DYRK1A: variants seen among roughly 807,000 people sequenced by gnomAD.
The protein encoded by DYRK1A is dual specificity tyrosine phosphorylation regulated kinase 1A, also known as dual specificity tyrosine-phosphorylation-regulated kinase 1A.
In DYRK1A, 9 loss-of-function variants were observed where a neutral mutation model predicts 79.7. The ratio of observed to expected loss-of-function variants is 0.11; its 90% CI spans 0.07 to 0.20. The LOEUF is 0.20. Among genes scored for constraint, DYRK1A ranks in the 10% least tolerant of loss-of-function variants. DYRK1A has a pLI of 1.00. For missense variants in DYRK1A, 622 were observed against 956.0 expected (o/e 0.65, Z 4.61); for synonymous variants, 349 against 329.7 (o/e 1.06, Z -0.63).
chr21:37,442,391 T>C (rs1289431126), intron 2 of DYRK1A, among the ~76,000 whole-genome samples: 1 of 152,190 alleles, frequency 6.6e-6, no homozygotes. Flanking sequence ...TGTTAACTTT[T>C]TAAAATCTCT....
chr21:37,495,386 G>C (rs192179160), intron 8 of DYRK1A, among the ~76,000 whole-genome samples: 1 of 151,698 alleles, frequency 6.6e-6, no homozygotes, highest in Non-Finnish European at 1.5e-5. Context: ...GGCCGGGCAC[G>C]GTGGCTCACA....
At chr21:37,419,082 C>T (rs145243896) in intron 1 of DYRK1A, 1 of 152,212 alleles carries the variant, frequency 6.6e-6, no homozygotes, top group Non-Finnish European at 1.5e-5. Flanking sequence ...TATATTATGA[C>T]CCACTTGTAG....
At chr21:37,494,916 C>T (rs1448998206) in intron 8 of DYRK1A, among the ~76,000 whole-genome samples, 1 of 147,344 alleles carries the variant, frequency 6.8e-6, no homozygotes, top group African/African-American at 2.5e-5. Flanking sequence ...CCACTGCCCT[C>T]TAGCTTGGGA....
chr21:37,514,369 T>A lies in DYRK1A; in HGVS notation c.*1838T>A, dbSNP rs887781661. The A allele has an allele frequency of 6.6e-6, 1 of 152,602 alleles. No individual in the cohort carries two copies. Among genetic ancestry groups the A allele is most frequent in the Non-Finnish European group, 1.5e-5 (1 of 68,036 alleles). The allele number at this position is 152,602 out of a possible 1,614,324, so 9.5% of individuals were successfully genotyped here. A position where few individuals can be genotyped will look rare whatever the true frequency, so the allele number is the denominator to read the frequency against. On this transcript the variant is annotated 3_prime_UTR_variant, in exon 12 of 12. Transcript: ENST00000647188. ...GGTGTGACACTTTTGAGCGGTTGAATTGGGAGAATGAAGATAAGTAATTTA... is the reference window on the plus strand; with the variant it reads ...GGTGTGACACTTTTGAGCGGTTGAAATGGGAGAATGAAGATAAGTAATTTA...
At chr21:37,430,222 T>C in intron 2 of DYRK1A, 1 of 897,604 alleles carries the variant, frequency 1.1e-6, no homozygotes, top group Non-Finnish European at 1.3e-6. Flanking sequence ...GTATGTTCAC[T>C]TACACATCTT....
rs536065008 is a variant in DYRK1A, at chr21:37,450,445, C to A, written c.11-22239C>A. Among the ~76,000 whole-genome samples, 15 of 152,314 alleles carry A rather than the reference C, an allele frequency of 9.8e-5. No homozygotes were observed. In the South Asian group the frequency reaches 3.1e-3, roughly 32 times the overall value. On this transcript the variant is annotated intron_variant, in intron 2 of 11. Coordinates refer to ENST00000647188, the MANE Select transcript of DYRK1A (RefSeq NM_001347721.2). ...TAAGCCTCTGGGTTGCAGCCGCCCCCTCTGTAAAGTGAGGTGGGGGAACTA... is the reference window on the plus strand; with the variant it reads ...TAAGCCTCTGGGTTGCAGCCGCCCCATCTGTAAAGTGAGGTGGGGGAACTA...
At position 37,516,733 on chromosome 21, in the gene DYRK1A, A is replaced by T. The variant is rs2053884468; in HGVS notation, c.*4202A>T. On this transcript the variant is annotated 3_prime_UTR_variant, in exon 12 of 12. Coordinates refer to ENST00000647188, the MANE Select transcript of DYRK1A (RefSeq NM_001347721.2). Reference sequence around the variant, plus strand: ...TGGCATTATGCATAGCCAAGGTCCCAGATTTTGGCTGCTCTCAGTGGGTGT... The same window carrying T: ...TGGCATTATGCATAGCCAAGGTCCCTGATTTTGGCTGCTCTCAGTGGGTGT... The T allele has an allele frequency of 6.6e-6, 1 of 152,128 alleles. No homozygotes were observed. Among genetic ancestry groups the T allele is most frequent in the African/African-American group, 2.4e-5 (1 of 41,420 alleles). 9.4% of individuals were successfully genotyped at this position (152,128 alleles called of 1,614,324 possible). A position where few individuals can be genotyped will look rare whatever the true frequency, so the allele number is the denominator to read the frequency against.
chr21:37,398,489 C>T (rs1254602209), intron 1 of DYRK1A, among the ~76,000 whole-genome samples: 1 of 152,174 alleles, frequency 6.6e-6, no homozygotes, highest in African/African-American at 2.4e-5. Context: ...AAACCCTAGG[C>T]TTCTTGATTT....
At position 37,515,545 on chromosome 21, in the gene DYRK1A, C is replaced by T. The variant is rs1398700877; in HGVS notation, c.*3014C>T. 2.6e-5 allele frequency: 4 copies of T among 152,172 alleles called. No individual in the cohort carries two copies. The highest frequency in any genetic ancestry group is 5.9e-5 in the Non-Finnish European group (4 of 68,036). The allele number at this position is 152,172 out of a possible 1,614,324, so 9.4% of individuals were successfully genotyped here. ...GAAGGAAGGAATACGAATACTCATT[C>T]TTCCTTCCCTAACTCCTCGTACGGG... is the stretch of plus-strand genomic sequence containing the variant. On this transcript the variant is annotated 3_prime_UTR_variant, in exon 12 of 12. Coordinates refer to ENST00000647188, the MANE Select transcript of DYRK1A (RefSeq NM_001347721.2).
At chr21:37,505,952 T>C (rs2053582680) in intron 10 of DYRK1A, 147 bp from the exon 11 acceptor site, 1 of 1,032,296 alleles carries the variant, frequency 9.7e-7, no homozygotes, top group Admixed American at 2.9e-5. Context: ...TATGAAGACT[T>C]TGTGATATAC....
At chr21:37,453,233 T>G (rs1364885960) in intron 2 of DYRK1A, among the ~76,000 whole-genome samples, 1 of 152,264 alleles carries the variant, frequency 6.6e-6, no homozygotes, top group African/African-American at 2.4e-5. Flanking sequence ...ATTTTACATT[T>G]TATGTTGCTA....
chr21:37,507,555 C>G (rs1483496219), intron 11 of DYRK1A, among the ~76,000 whole-genome samples: 3 of 152,190 alleles, frequency 2.0e-5, no homozygotes, highest in Non-Finnish European at 4.4e-5. Context: ...AGTGGACACC[C>G]TAATGCTGTC....
intron 1 of DYRK1A, among the ~76,000 whole-genome samples, chr21:37,407,235 T>A (rs774974178): frequency 3.9e-5 from 6 of 152,152 alleles, no homozygotes; most frequent in African/African-American, 1.4e-4. Context: ...AAACATTCAT[T>A]TATGTTTTAT....
chr21:37,433,008 TACTTAGAAA>T (rs1361096440), intron 2 of DYRK1A, among the ~76,000 whole-genome samples: 1 of 148,840 alleles, frequency 6.7e-6, no homozygotes, highest in African/African-American at 2.5e-5. Flanking sequence ...ATTAATTGTA[TACTTAGAAA>T]ACTTACTTTC....
At chr21:37,399,670 C>G (rs1317255509) in intron 1 of DYRK1A, among the ~76,000 whole-genome samples, 1 of 152,108 alleles carries the variant, frequency 6.6e-6, no homozygotes, top group Non-Finnish European at 1.5e-5. Context: ...TTGGGTTTCA[C>G]TGAGCATGAG....
intron 1 of DYRK1A, among the ~76,000 whole-genome samples, chr21:37,381,409 G>A (rs568210944): frequency 2.0e-5 from 3 of 152,156 alleles, no homozygotes; most frequent in Non-Finnish European, 4.4e-5. Flanking sequence ...CTGGAAATGT[G>A]GAGTGGAAAG....
At position 37,478,148 on chromosome 21, in the gene DYRK1A, A is replaced by G. The variant is rs1465235849; in HGVS notation, c.208-60A>G. 1.9e-6 allele frequency: 3 copies of G among 1,605,542 alleles called. No individual in the cohort carries two copies. In the African/African-American group the frequency reaches 4.0e-5, roughly 22 times the overall value. On this transcript the variant is annotated intron_variant, in intron 3 of 11. Coordinates refer to ENST00000647188, the MANE Select transcript of DYRK1A (RefSeq NM_001347721.2). ...ACAGAAGAGGGAATTTATATCTTAT[A>G]GTTAAAGTGCTAGTCTTTTCTGTCT...
chr21:37,509,625 A>G (rs963571183), intron 11 of DYRK1A, among the ~76,000 whole-genome samples: 3 of 151,892 alleles, frequency 2.0e-5, no homozygotes, highest in Admixed American at 6.6e-5. Context: ...AGGTCTCACT[A>G]TGTTTCTCAG....
intron 2 of DYRK1A, among the ~76,000 whole-genome samples, chr21:37,464,122 C>G (rs117133523): frequency 6.6e-6 from 1 of 152,084 alleles, no homozygotes; most frequent in African/African-American, 2.4e-5. Flanking sequence ...GCTTCTGATA[C>G]TTGTTATTTT....
Sources: allele counts gnomAD v4.1 joint callset (sites outside exome capture counted in the v4.1 genomes callset), GRCh38; gene constraint gnomAD v4.1.1; transcripts MANE v1.5; gene names NCBI Gene and HGNC (gene_info 2026-07-23, HGNC 2026-07-21).